Variants in INO80 observed in about 807,000 individuals in gnomAD.
INO80 encodes chromatin-remodeling ATPase INO80.
INO80 carries 20 observed loss-of-function variants against 203.4 expected under a neutral mutation model. That is an observed-to-expected ratio of 0.10 (90% CI 0.07 to 0.14). The LOEUF (loss-of-function observed/expected upper bound fraction) is 0.14. INO80 is among the 10% of genes least tolerant of loss of function. INO80 has a pLI of 1.00. For missense variants in INO80, 1,419 were observed against 1,914.4 expected, an observed-to-expected ratio of 0.74 and a Z score of 4.83; for synonymous variants, 726 against 685.2, an observed-to-expected ratio of 1.06 and a Z score of -0.93.
At chr15:41,103,111 A>G (rs988422660) in intron 1 of INO80, among the ~76,000 whole-genome samples, 2 of 152,104 alleles carry the variant, frequency 1.3e-5, no homozygotes, top group Non-Finnish European at 2.9e-5. Context: ...TGTCTTTCCT[A>G]TTTATATAAC....
intron 1 of INO80, among the ~76,000 whole-genome samples, chr15:41,099,736 C>T (rs913409238): frequency 2.0e-5 from 3 of 151,352 alleles, no homozygotes; most frequent in African/African-American, 7.3e-5. Context: ...AAGTCATGAA[C>T]GCACCACTGT....
At chr15:41,022,456 G>T (rs1355163293) in intron 25 of INO80, among the ~76,000 whole-genome samples, 1 of 151,736 alleles carries the variant, frequency 6.6e-6, no homozygotes, top group Non-Finnish European at 1.5e-5. Context: ...TGAACCAGAA[G>T]AACTGAGGGA....
At chr15:41,076,030 C>T (rs1278255034) in intron 9 of INO80, among the ~76,000 whole-genome samples, 1 of 152,158 alleles carries the variant, frequency 6.6e-6, no homozygotes, top group East Asian at 1.9e-4. Context: ...CTCCCCAAAA[C>T]AATCTACAGG....
At chr15:41,033,538 T>C (rs2044524231) in intron 24 of INO80, among the ~76,000 whole-genome samples, 1 of 151,658 alleles carries the variant, frequency 6.6e-6, no homozygotes, top group Non-Finnish European at 1.5e-5. Flanking sequence ...TGCAAAACAG[T>C]GTAAGAAAAT....
intron 24 of INO80, among the ~76,000 whole-genome samples, chr15:41,034,986 G>A (rs189989927): frequency 9.3e-4 from 142 of 152,282 alleles, no homozygotes; most frequent in Middle Eastern, 6.8e-3. Context: ...TGCTCACAAG[G>A]AGTTAAGAGT....
chr15:40,980,040 C>A lies in INO80; in HGVS notation c.*183G>T. ...CTTCCTCCTACAGGCACCCCAGATG[C>A]TCCTGATGAGACACAGATGATAAAA... On this transcript the variant is annotated 3_prime_UTR_variant, in exon 36 of 36. Transcript: ENST00000648947. 1.6e-6 allele frequency: 1 copy of A among 610,308 alleles called. No homozygotes were observed. The highest frequency in any genetic ancestry group is 1.9e-5 in the South Asian group (1 of 51,468). The allele number at this position is 610,308 out of a possible 1,614,324, so 37.8% of individuals were successfully genotyped here.
chr15:41,023,128 A>G, intron 25 of INO80: 1 of 361,270 alleles, frequency 2.8e-6, no homozygotes, highest in Non-Finnish European at 5.4e-6. Flanking sequence ...AGTTAAAAAA[A>G]GAAGGAACTT....
chr15:41,031,272 T>C (rs1459459585), intron 24 of INO80, among the ~76,000 whole-genome samples: 1 of 151,906 alleles, frequency 6.6e-6, no homozygotes, highest in Non-Finnish European at 1.5e-5. Flanking sequence ...TGCTAGACAT[T>C]GCTAGATATA....
At chr15:41,081,605 C>A (rs567844013) in intron 7 of INO80, among the ~76,000 whole-genome samples, 5 of 152,266 alleles carry the variant, frequency 3.3e-5, no homozygotes, top group African/African-American at 1.2e-4. Context: ...AGACCTAACA[C>A]AAAATGACCC....
chr15:41,080,006 G>C (rs1460321196), intron 8 of INO80, 102 bp from the exon 9 acceptor site: 4 of 997,202 alleles, frequency 4.0e-6, no homozygotes, highest in Non-Finnish European at 6.2e-6. Flanking sequence ...CAGCCAAACT[G>C]TCATCCTTGA....
chr15:41,106,986 G>A (rs1396986537), intron 1 of INO80, among the ~76,000 whole-genome samples: 2 of 152,086 alleles, frequency 1.3e-5, no homozygotes, highest in Non-Finnish European at 1.5e-5. Flanking sequence ...CTGCCCCTTC[G>A]GAATGTAACT....
At chr15:41,059,948 A>C (rs1271345845) in intron 14 of INO80, 22 bp from the exon 15 acceptor site, 3 of 1,485,964 alleles carry the variant, frequency 2.0e-6, no homozygotes, top group Middle Eastern at 1.7e-4. Flanking sequence ...GCCAATATAT[A>C]CATTACTTTC....
At chr15:41,075,501 CT>C (rs1396926259) in intron 9 of INO80, among the ~76,000 whole-genome samples, 1 of 152,072 alleles carries the variant, frequency 6.6e-6, no homozygotes, top group Non-Finnish European at 1.5e-5. Context: ...GTCGCCCAGG[CT>C]GGAGTGCAGT....
intron 4 of INO80, among the ~76,000 whole-genome samples, chr15:41,093,042 G>A (rs559884753): frequency 6.6e-6 from 1 of 152,054 alleles, no homozygotes; most frequent in Admixed American, 6.6e-5. Flanking sequence ...CTCCTAAAAA[G>A]AAAACAAAAA....
chr15:41,100,830 CT>C (rs1190451283), intron 1 of INO80, among the ~76,000 whole-genome samples: 383 of 138,036 alleles, frequency 2.8e-3, no homozygotes, highest in Admixed American at 2.7e-3. Context: ...ACAATTTTTT[CT>C]TTTTTTTTTT....
chr15:41,016,250 A>G (rs771649146), intron 26 of INO80, 35 bp from the exon 27 acceptor site: 4 of 1,602,116 alleles, frequency 2.5e-6, no homozygotes, highest in Non-Finnish European at 3.4e-6. Context: ...GGGGAACTGT[A>G]TTTAATTGAA....
chr15:41,090,661 C>T (rs1043111316), intron 5 of INO80, among the ~76,000 whole-genome samples: 2 of 151,860 alleles, frequency 1.3e-5, no homozygotes, highest in African/African-American at 2.4e-5. Context: ...AAGAGGCATG[C>T]GGTTTCTTTA....
At chr15:41,069,161 C>T (rs903571218) in intron 14 of INO80, among the ~76,000 whole-genome samples, 7 of 152,044 alleles carry the variant, frequency 4.6e-5, no homozygotes, top group Non-Finnish European at 8.8e-5. Context: ...AGGAGTCTTG[C>T]TCTGTCGCCC....
intron 29 of INO80, among the ~76,000 whole-genome samples, chr15:40,989,583 T>C (rs2043790396): frequency 6.6e-6 from 1 of 152,186 alleles, no homozygotes; most frequent in East Asian, 1.9e-4. Flanking sequence ...ACATCTGGAT[T>C]AGCACTCTGT....
Sources: allele counts gnomAD v4.1 joint callset (sites outside exome capture counted in the v4.1 genomes callset), GRCh38; gene constraint gnomAD v4.1.1; transcripts MANE v1.5; gene names NCBI Gene and HGNC (gene_info 2026-07-23, HGNC 2026-07-21).